PDC: variants seen among roughly 807,000 people sequenced by gnomAD.
PDC encodes 33 kDa phototransducing protein.
Under a neutral mutation model 22.2 loss-of-function variants are expected in PDC, and 19 were observed. That is an observed-to-expected ratio of 0.86 (90% CI 0.60 to 1.26). PDC has a LOEUF of 1.26. Ranked by LOEUF, PDC falls within the 50% of genes most tolerant of loss-of-function variation. The pLI is 0.00. For synonymous variants in PDC, 97 were observed against 96.2 expected (o/e 1.01, Z -0.05); for missense variants, 274 against 286.8 (o/e 0.96, Z 0.32).
intron 2 of PDC, among the ~76,000 whole-genome samples, chr1:186,447,293 C>T (rs1394594673): frequency 4.6e-5 from 7 of 151,914 alleles, no homozygotes; most frequent in East Asian, 1.9e-4. Flanking sequence ...GGACTACAGG[C>T]GCATACCACC....
chr1:186,447,306 G>A (rs930653710), intron 2 of PDC, among the ~76,000 whole-genome samples: 7 of 151,888 alleles, frequency 4.6e-5, no homozygotes, highest in Admixed American at 1.3e-4. Flanking sequence ...ATACCACCAC[G>A]CCTGGCTGAT....
At chr1:186,455,995 ATATATATATATATAT>A (rs1307391816) in intron 1 of PDC, among the ~76,000 whole-genome samples, 8 of 55,568 alleles carry the variant, frequency 1.4e-4, no homozygotes, top group African/African-American at 4.7e-4. Context: ...AAAAAAAAAA[ATATATATATATATAT>A]ATATATATAT....
At chr1:186,450,025 T>A (rs1662318117) in intron 1 of PDC, among the ~76,000 whole-genome samples, 1 of 152,182 alleles carries the variant, frequency 6.6e-6, no homozygotes, top group African/African-American at 2.4e-5. Flanking sequence ...CCGAGGAAGC[T>A]GAAGGGCAGA....
chr1:186,445,864 T>G (rs185340184), intron 3 of PDC, among the ~76,000 whole-genome samples: 65 of 152,238 alleles, frequency 4.3e-4, no homozygotes, highest in African/African-American at 1.5e-3. Context: ...TTCCAATGTT[T>G]CATATAATTT....
At position 186,444,387 on chromosome 1, in the gene PDC, A is replaced by C. The variant is rs772521962; in HGVS notation, c.333T>G (p.Tyr111Ter). 6.2e-7 allele frequency: 1 copy of C among 1,614,072 alleles called. No homozygotes were observed. The highest frequency in any genetic ancestry group is 8.5e-7 in the Non-Finnish European group (1 of 1,179,970). The change falls in exon 4 of 4, where the codon TAT (tyrosine) becomes TAG (stop). Residue 111 changes from tyrosine to a stop codon, truncating the protein, a stop_gained. Coordinates refer to ENST00000391997, the MANE Select transcript of PDC (RefSeq NM_002597.5). LOFTEE classifies it high-confidence loss of function. Reference protein sequence around the residue: ...MHQKLSFGPRYGFVYELETGK... With the variant: ...MHQKLSFGPR ...CAGTTTCCAGCTCATACACAAACCCATATCTAGGCCCAAAACTCAGCTTCT... is the reference window on the plus strand; with the variant it reads ...CAGTTTCCAGCTCATACACAAACCCCTATCTAGGCCCAAAACTCAGCTTCT...
rs760418140 is a variant in PDC at position 186,446,505 on chromosome 1, C to T, written c.134G>A (p.Ser45Asn). 6.2e-7 allele frequency: 1 copy of T among 1,604,356 alleles called. No homozygotes were observed. The highest frequency in any genetic ancestry group is 8.5e-7 in the Non-Finnish European group (1 of 1,172,494). Residue 45 changes from serine to asparagine, a missense_variant, in exon 3 of 4, where the codon AGC (serine) becomes AAC (asparagine). By Grantham distance (46) the Ser-to-Asn change is conservative. Transcript: ENST00000391997. ...ESQDSDSIPP[S>N]KKEILRQMSS... ...CATTTGCCTGAGAATCTCCTTCTTG[C>T]TAGGTGGAATTGAATCACTGTCTTG...
At chr1:186,452,079 A>G (rs1571724003) in intron 1 of PDC, among the ~76,000 whole-genome samples, 1 of 152,312 alleles carries the variant, frequency 6.6e-6, no homozygotes, top group East Asian at 1.9e-4. Context: ...TGCACTGCTT[A>G]AAGCACCTAG....
intron 3 of PDC, 67 bp downstream of exon 3, chr1:186,446,359 C>T (rs1259969836): frequency 3.3e-6 from 4 of 1,214,600 alleles, no homozygotes; most frequent in Middle Eastern, 2.0e-4. Flanking sequence ...TAAAGTGATT[C>T]TCTAGATTGA....
At chr1:186,454,337 C>T (rs557639072) in intron 1 of PDC, among the ~76,000 whole-genome samples, 9 of 152,002 alleles carry the variant, frequency 5.9e-5, no homozygotes, top group African/African-American at 2.2e-4. Context: ...CGCCACTATG[C>T]CCAGCTAATT....
intron 1 of PDC, among the ~76,000 whole-genome samples, chr1:186,453,572 T>C (rs1202835501): frequency 1.3e-5 from 2 of 152,226 alleles, no homozygotes; most frequent in African/African-American, 4.8e-5. Flanking sequence ...CTGTATGATA[T>C]AGACTGACTT....
chr1:186,444,383 A>G lies in PDC; in HGVS notation c.337T>C (p.Phe113Leu). The stretch of plus-strand genomic sequence containing the variant: ...TTTCCAGTTTCCAGCTCATACACAA[A>G]CCCATATCTAGGCCCAAAACTCAGC... ...QKLSFGPRYG[F>L]VYELETGKQF... Residue 113 changes from phenylalanine to leucine, a missense_variant, in exon 4 of 4, where the codon TTT (phenylalanine) becomes CTT (leucine). Coordinates refer to ENST00000391997, the MANE Select transcript of PDC (RefSeq NM_002597.5). 2.5e-6 allele frequency: 4 copies of G among 1,613,990 alleles called. No individual in the cohort carries two copies. The highest frequency in any genetic ancestry group is 3.4e-6 in the Non-Finnish European group (4 of 1,179,954).
chr1:186,444,778 T>G (rs981716026), intron 3 of PDC, among the ~76,000 whole-genome samples: 1 of 152,158 alleles, frequency 6.6e-6, no homozygotes, highest in Non-Finnish European at 1.5e-5. Context: ...CACTATTATA[T>G]CTTATAACTT....
In PDC at chr1:186,444,287, T is replaced by C; in HGVS notation, c.433A>G (p.Ile145Val). 6.2e-7 allele frequency: 1 copy of C among 1,613,910 alleles called. No individual in the cohort carries two copies. The highest frequency in any genetic ancestry group is 8.5e-7 in the Non-Finnish European group (1 of 1,179,814). ...TIVVHIYEDGIKGCDALNSSL... is the reference protein window; with the variant it reads ...TIVVHIYEDGVKGCDALNSSL... ...CTGTTTAGAGCATCACAACCCTTAA[T>C]ACCATCTTCATAAATGTGAACAACA... Residue 145 changes from isoleucine to valine, a missense_variant, in exon 4 of 4, where the codon ATT becomes GTT. Coordinates refer to ENST00000391997, the MANE Select transcript of PDC (RefSeq NM_002597.5).
chr1:186,445,529 C>G (rs1438449786), intron 3 of PDC, among the ~76,000 whole-genome samples: 2 of 152,112 alleles, frequency 1.3e-5, no homozygotes, highest in Non-Finnish European at 2.9e-5. Context: ...TTTAAGATTA[C>G]TGTCCCGGGA....
At chr1:186,457,789 C>A (rs1662498556) in intron 1 of PDC, among the ~76,000 whole-genome samples, 1 of 152,148 alleles carries the variant, frequency 6.6e-6, no homozygotes, top group African/African-American at 2.4e-5. Context: ...TGTTGGCAGT[C>A]AGCAAATGTT....
Position 186,444,441 on chromosome 1 carries a change from G to A in PDC, c.279C>T (p.Tyr93=). The part of the protein sequence containing the change: ...EKEDENCLRK[Y]RRQCMQDMHQ... ...GCATATCCTGCATACACTGTCTACG[G>A]TATTTACGAAGGCAGTTTTCATCCT... Residue 93 remains tyrosine, a synonymous_variant, in exon 4 of 4, where the codon TAC becomes TAT. Coordinates refer to ENST00000391997, the MANE Select transcript of PDC (RefSeq NM_002597.5). 2 of 1,611,008 alleles carry A rather than the reference G, an allele frequency of 1.2e-6. No homozygotes were observed. The highest frequency in any genetic ancestry group is 1.7e-6 in the Non-Finnish European group (2 of 1,177,292).
At chr1:186,447,155 A>ATTT (rs66503956) in intron 2 of PDC, among the ~76,000 whole-genome samples, 4 of 149,090 alleles carry the variant, frequency 2.7e-5, no homozygotes, top group African/African-American at 9.8e-5. Flanking sequence ...TTGGCAGATT[A>ATTT]TTTTTTTTTT....
intron 2 of PDC, among the ~76,000 whole-genome samples, chr1:186,448,379 T>C (rs1419750760): frequency 6.6e-6 from 1 of 152,172 alleles, no homozygotes; most frequent in Non-Finnish European, 1.5e-5. Flanking sequence ...CTTTTGCTCA[T>C]TGTTCTATTT....
intron 1 of PDC, among the ~76,000 whole-genome samples, chr1:186,457,832 C>T (rs1662499332): frequency 6.6e-6 from 1 of 152,098 alleles, no homozygotes; most frequent in African/African-American, 2.4e-5. Flanking sequence ...AAACATTCAT[C>T]CTGATGCTGT....
Sources: gnomAD v4.1 joint callset for allele counts (sites outside exome capture counted in the v4.1 genomes callset) on GRCh38, gnomAD v4.1.1 for gene constraint, MANE v1.5 for transcripts, NCBI Gene and HGNC (gene_info 2026-07-23, HGNC 2026-07-21) for gene names.